ZNF783: variants seen among roughly 807,000 people sequenced by gnomAD.
The protein encoded by ZNF783 is zinc finger protein 783, also known as protein ZNF783.
Under a neutral mutation model 31.3 loss-of-function variants are expected in ZNF783, and 25 were observed. The observed-to-expected ratio is 0.80, with a 90% confidence interval of 0.58 to 1.11. ZNF783 has a LOEUF of 1.11. ZNF783 is among the 50% of genes most tolerant of loss of function. The pLI is 0.00. For synonymous variants in ZNF783, 369 were observed against 319.1 expected (o/e 1.16, Z -1.66); for missense variants, 797 against 760.0 (o/e 1.05, Z -0.57).
intron 4 of ZNF783, among the ~76,000 whole-genome samples, chr7:149,268,033 G>A (rs534710183): frequency 5.3e-5 from 8 of 152,284 alleles, no homozygotes; most frequent in South Asian, 4.1e-4. Context: ...TGGTTCCAAA[G>A]GGGACTGCAC....
intron 1 of ZNF783, among the ~76,000 whole-genome samples, chr7:149,262,747 G>A (rs1796959697): frequency 6.6e-6 from 1 of 152,238 alleles, no homozygotes; most frequent in Non-Finnish European, 1.5e-5. Flanking sequence ...AGGCTGAGAT[G>A]GGAAGGGACA....
At chr7:149,279,114 A>G (rs953937948) in intron 5 of ZNF783, among the ~76,000 whole-genome samples, 1 of 152,090 alleles carries the variant, frequency 6.6e-6, no homozygotes, top group Non-Finnish European at 1.5e-5. Flanking sequence ...TGGCTCCTCC[A>G]CCTGGTCCTG....
rs374722393 is a variant in ZNF783, at chr7:149,266,649, G to A, written c.339G>A (p.Leu113=). 6 of 1,614,036 alleles carry A rather than the reference G, an allele frequency of 3.7e-6. No homozygotes were observed. The African/African-American group carries it at 6.7e-5, about 18-fold the overall frequency. The stretch of plus-strand genomic sequence containing the variant: ...AGTACGGGCTGCTGCAGAGGCGGCT[G>A]GAGAATGTGGAGAACTTGCTGCGCA... ...LQEYGLLQRR[L]ENVENLLRNR... The change falls in exon 2 of 6, where the codon CTG becomes CTA. Residue 113 remains leucine (L), a synonymous_variant. Coordinates refer to ENST00000434415, the MANE Select transcript of ZNF783 (RefSeq NM_001195220.2).
At chr7:149,267,440 C>T (rs1797106189) in intron 4 of ZNF783, among the ~76,000 whole-genome samples, 1 of 152,210 alleles carries the variant, frequency 6.6e-6, no homozygotes, top group East Asian at 1.9e-4. Context: ...ACATCACACT[C>T]ACCTTACGTG....
downstream of ZNF783, chr7:149,284,991 AG>A (rs1797568416): frequency 6.5e-6 from 1 of 153,950 alleles, no homozygotes; most frequent in Non-Finnish European, 1.5e-5. Flanking sequence ...GGCATAAACG[AG>A]TGCGTGCGCT....
chr7:149,280,392 A>G (rs182737257), intron 5 of ZNF783, among the ~76,000 whole-genome samples: 2 of 141,586 alleles, frequency 1.4e-5, no homozygotes, highest in East Asian at 4.8e-4. Flanking sequence ...AGAGCCCCAC[A>G]GGAGTGTGGG....
chr7:149,267,179 G>C lies in ZNF783; in HGVS notation c.630G>C (p.Lys210Asn). ...GTCTTGACCGGTGGGGCCAGGAGAA[G>C]GGGAATGAAGTAGAGGTGGGACGTC... is the stretch of plus-strand genomic sequence containing the variant. ...EPCLDRWGQE[K>N]GNEVEVGRPR... Residue 210 changes from lysine (K) to asparagine (N), a missense_variant, in exon 4 of 6, where the codon AAG (lysine) becomes AAC (asparagine). Transcript: ENST00000434415. 1 of 1,599,188 alleles carries C rather than the reference G, an allele frequency of 6.3e-7. No individual in the cohort carries two copies. Among genetic ancestry groups the C allele is most frequent in the Non-Finnish European group, 8.5e-7 (1 of 1,179,660 alleles).
In ZNF783 at chr7:149,282,457, A is replaced by C; in HGVS notation, c.*114A>C. ...TGTTGTTTTTACCCATTCAAATGGG[A>C]AGCTAGCTGCCCTTCTGGTGACATT... On this transcript the variant is annotated 3_prime_UTR_variant, in exon 6 of 6. Coordinates refer to ENST00000434415, the MANE Select transcript of ZNF783 (RefSeq NM_001195220.2). The C allele has an allele frequency of 3.2e-6, 3 of 943,616 alleles. No individual in the cohort carries two copies. The highest frequency in any genetic ancestry group is 4.6e-6 in the Non-Finnish European group (3 of 658,472). 58.5% of individuals were successfully genotyped at this position (943,616 alleles called of 1,614,324 possible).
rs757759946 is a variant in ZNF783 at position 149,267,139 on chromosome 7, G to A, written c.590G>A (p.Arg197Lys). The change falls in exon 4 of 6, where the codon AGG becomes AAG. Residue 197 changes from arginine to lysine, a missense_variant. Transcript: ENST00000434415. ...CCAGACATCCTCACCCGGATAGAGA[G>A]GGGAGAGGAGCCTTGTCTTGACCGG... Reference protein sequence around the residue: ...SKPDILTRIERGEEPCLDRWG... With the variant: ...SKPDILTRIEKGEEPCLDRWG... The A allele has an allele frequency of 6.3e-7, 1 of 1,599,618 alleles. No homozygotes were observed. The highest frequency in any genetic ancestry group is 8.5e-7 in the Non-Finnish European group (1 of 1,179,798).
chr7:149,282,248 C>G lies in ZNF783; in HGVS notation c.1546C>G (p.His516Asp). The change falls in exon 6 of 6, where the codon CAC becomes GAC. Residue 516 changes from histidine to aspartate, a missense_variant. His to Asp is a moderately conservative substitution (Grantham distance 81, BLOSUM62 -1). Transcript: ENST00000434415. ...CCACCTGGCCGTGCACATGCAGACCCACGCCCGAGGCCAGGTGGGCCCACA... is the reference window on the plus strand; with the variant it reads ...CCACCTGGCCGTGCACATGCAGACCGACGCCCGAGGCCAGGTGGGCCCACA... ...NHHLAVHMQT[H>D]ARGQVGPHFP... The G allele has an allele frequency of 6.3e-7, 1 of 1,596,894 alleles. No homozygotes were observed. The highest frequency in any genetic ancestry group is 1.1e-5 in the South Asian group (1 of 90,876).
intron 4 of ZNF783, among the ~76,000 whole-genome samples, chr7:149,272,499 T>C (rs891006227): frequency 2.0e-5 from 3 of 152,196 alleles, no homozygotes; most frequent in African/African-American, 7.2e-5. Flanking sequence ...TTCTTTTCAG[T>C]GTAATAGTAA....
rs1797270635 is a variant in ZNF783, at chr7:149,274,140, G to T, written c.674-4259G>T. ...GCTTTAGGGTAGTACTCGAATCTTT[G>T]CCCAGAACAATGTCCTGGAGAGTTT... On this transcript the variant is annotated intron_variant, in intron 4 of 5. Coordinates refer to ENST00000434415, the MANE Select transcript of ZNF783 (RefSeq NM_001195220.2). 2.0e-5 allele frequency among the ~76,000 whole-genome samples: 3 copies of T among 152,086 alleles called. No individual in the cohort carries two copies. In the South Asian group the frequency reaches 6.2e-4, roughly 32 times the overall value.
At chr7:149,275,183 AT>A (rs1797298620) in intron 4 of ZNF783, among the ~76,000 whole-genome samples, 1 of 151,378 alleles carries the variant, frequency 6.6e-6, no homozygotes, top group African/African-American at 2.4e-5. Flanking sequence ...TATTTTCTTG[AT>A]TTCTTTTTCA....
rs780773117 is a variant in ZNF783, at chr7:149,281,847, G to C, written c.1145G>C (p.Arg382Pro). Residue 382 changes from arginine to proline, a missense_variant, in exon 6 of 6, where the codon CGC (arginine) becomes CCC (proline). Transcript: ENST00000434415. ...GAGGGGCGGCAGGAGGCCCCCGGCCGCTCGCCCACCAGCTGCGGGGACAGC... is the reference window on the plus strand; with the variant it reads ...GAGGGGCGGCAGGAGGCCCCCGGCCCCTCGCCCACCAGCTGCGGGGACAGC... ...VEEGRQEAPG[R>P]SPTSCGDSQA... 5.0e-5 allele frequency: 75 copies of C among 1,495,528 alleles called. No homozygotes were observed. Among genetic ancestry groups the C allele is most frequent in the Non-Finnish European group, 5.3e-5 (60 of 1,132,190 alleles). 92.6% of individuals were successfully genotyped at this position (1,495,528 alleles called of 1,614,324 possible).
At chr7:149,270,807 GTATT>G (rs1797192503) in intron 4 of ZNF783, among the ~76,000 whole-genome samples, 1 of 152,158 alleles carries the variant, frequency 6.6e-6, no homozygotes, top group Non-Finnish European at 1.5e-5. Context: ...GTGAGGAGTG[GTATT>G]TAGAGATTAC....
intron 1 of ZNF783, among the ~76,000 whole-genome samples, chr7:149,264,986 G>GAGAAGGCTGGAAGTGGGGA: frequency 2.0e-5 from 3 of 151,712 alleles, no homozygotes; most frequent in African/African-American, 7.3e-5. Flanking sequence ...GGAAGTGGGG[G>GAGAAGGCTGGAAGTGGGGA]AGAAGGCTGG....
In ZNF783 at chr7:149,281,530, G is replaced by A. The variant is rs758658592; in HGVS notation, c.828G>A (p.Glu276=). 1.4e-6 allele frequency: 2 copies of A among 1,460,222 alleles called. No individual in the cohort carries two copies. The highest frequency in any genetic ancestry group is 1.8e-6 in the Non-Finnish European group (2 of 1,115,272). 90.5% of individuals were successfully genotyped at this position (1,460,222 alleles called of 1,614,324 possible). A position where few individuals can be genotyped will look rare whatever the true frequency, so the allele number is the denominator to read the frequency against. Residue 276 remains glutamate, a synonymous_variant, in exon 6 of 6, where the codon GAG becomes GAA. Coordinates refer to ENST00000434415, the MANE Select transcript of ZNF783 (RefSeq NM_001195220.2). ...EAGGGVAIKT[E]AQSEDEMTPE... ...GTGGTGGTGTGGCCATCAAGACAGA[G>A]GCACAGTCTGAAGACGAGATGACGC...
In ZNF783 at chr7:149,266,744, A is replaced by G; in HGVS notation, c.420+14A>G. The G allele has an allele frequency of 6.2e-7, 1 of 1,613,328 alleles. No homozygotes were observed. Among genetic ancestry groups the G allele is most frequent in the Non-Finnish European group, 8.5e-7 (1 of 1,179,616 alleles). ...GAGGCCCCCAAGGTAGCACCGGGAC[A>G]CCCTGGGGTGGGGGAGCTCGAGGGG... On this transcript the variant is annotated intron_variant, in intron 2 of 5. Transcript: ENST00000434415.
intron 5 of ZNF783, among the ~76,000 whole-genome samples, chr7:149,281,107 A>G (rs1450348533): frequency 6.6e-6 from 1 of 152,142 alleles, no homozygotes; most frequent in Non-Finnish European, 1.5e-5. Context: ...CCTGGGGTTC[A>G]TTGTCTTTCA....
Sources: allele counts gnomAD v4.1 joint callset (sites outside exome capture counted in the v4.1 genomes callset), GRCh38; gene constraint gnomAD v4.1.1; transcripts MANE v1.5; gene names NCBI Gene and HGNC (gene_info 2026-07-23, HGNC 2026-07-21).